The following MAF variants were observed in gnomAD, a reference collection of about 807,000 sequenced individuals.
The protein encoded by MAF is MAF bZIP transcription factor.
Under a neutral mutation model 22.0 loss-of-function variants are expected in MAF, and 10 were observed. The ratio of observed to expected loss-of-function variants is 0.45; its 90% CI spans 0.28 to 0.77. The LOEUF (loss-of-function observed/expected upper bound fraction) is 0.77. Ranked by LOEUF, MAF falls within the 30% of genes least tolerant of loss-of-function variation. The pLI is 0.12. For synonymous variants in MAF, 337 were observed against 255.8 expected (o/e 1.32, Z -3.03); for missense variants, 544 against 548.4 (o/e 0.99, Z 0.08).
chr16:79,479,495 T>G, the MAF span, among the ~76,000 whole-genome samples: 1 of 152,200 alleles, frequency 6.6e-6, no homozygotes, highest in Non-Finnish European at 1.5e-5. Flanking sequence ...TGAATGGAAT[T>G]TGTCAGGGCG....
chr16:79,371,826 C>G, the MAF span, among the ~76,000 whole-genome samples: 1 of 152,252 alleles, frequency 6.6e-6, no homozygotes, highest in African/African-American at 2.4e-5. Context: ...AAAGAATCAG[C>G]ATGCAGCTCT....
At chr16:79,489,117 A>G in the MAF span, among the ~76,000 whole-genome samples, 2 of 152,004 alleles carry the variant, frequency 1.3e-5, no homozygotes, top group Non-Finnish European at 2.9e-5. Flanking sequence ...CTATCCATCC[A>G]CTTACCCATC....
At chr16:79,253,120 G>A in the MAF span, among the ~76,000 whole-genome samples, 1 of 152,202 alleles carries the variant, frequency 6.6e-6, no homozygotes, top group African/African-American at 2.4e-5. Context: ...GGAAACCAGT[G>A]TACTGCCCTT....
the MAF span, among the ~76,000 whole-genome samples, chr16:79,474,079 G>C: frequency 6.6e-6 from 1 of 152,116 alleles, no homozygotes; most frequent in Non-Finnish European, 1.5e-5. Flanking sequence ...TAATCTCCTA[G>C]AAGGAAAGAG....
chr16:79,531,122 C>G, the MAF span, among the ~76,000 whole-genome samples: 1 of 152,212 alleles, frequency 6.6e-6, no homozygotes, highest in Admixed American at 6.5e-5. Context: ...AGATGAAAAT[C>G]AGGGACTAAC....
the MAF span, among the ~76,000 whole-genome samples, chr16:79,520,705 C>G: frequency 3.3e-5 from 5 of 152,296 alleles, no homozygotes; most frequent in South Asian, 2.1e-4. Flanking sequence ...TGTCCCAACC[C>G]TGTGCTTGGG....
the MAF span, among the ~76,000 whole-genome samples, chr16:79,474,165 G>A: frequency 6.6e-6 from 1 of 152,140 alleles, no homozygotes; most frequent in Non-Finnish European, 1.5e-5. Context: ...AGAATTATTT[G>A]TGGTCTTTAA....
the MAF span, among the ~76,000 whole-genome samples, chr16:79,413,693 T>C: frequency 6.6e-6 from 1 of 152,180 alleles, no homozygotes; most frequent in South Asian, 2.1e-4. Flanking sequence ...ATAATCTCCA[T>C]TGTGGGATCA....
the MAF span, among the ~76,000 whole-genome samples, chr16:79,457,118 C>G: frequency 6.6e-6 from 1 of 152,274 alleles, no homozygotes; most frequent in African/African-American, 2.4e-5. Flanking sequence ...ATTTGTCTTC[C>G]TCATTGGGAT....
At chr16:79,568,691 A>C in the MAF span, among the ~76,000 whole-genome samples, 5 of 152,178 alleles carry the variant, frequency 3.3e-5, no homozygotes, top group Non-Finnish European at 4.4e-5. Context: ...AGTCCTTGCC[A>C]CCTGAAAACT....
At chr16:79,416,171 G>A in the MAF span, among the ~76,000 whole-genome samples, 5 of 152,150 alleles carry the variant, frequency 3.3e-5, no homozygotes, top group Admixed American at 2.6e-4. Context: ...ATTGCTCACT[G>A]CTAATAGTTA....
chr16:79,547,922 G>GAGAT, the MAF span, among the ~76,000 whole-genome samples: 389 of 110,164 alleles, frequency 3.5e-3, 1 homozygote, highest in African/African-American at 0.011. Flanking sequence ...GAGAGAGATA[G>GAGAT]AGAGAGAGAG....
the MAF span, among the ~76,000 whole-genome samples, chr16:79,416,799 G>C: frequency 6.6e-6 from 1 of 152,166 alleles, no homozygotes; most frequent in Non-Finnish European, 1.5e-5. Context: ...TAGAAAGTTG[G>C]GGAAGCCGCT....
the MAF span, among the ~76,000 whole-genome samples, chr16:79,497,791 T>C: frequency 1.3e-5 from 2 of 152,228 alleles, no homozygotes; most frequent in Admixed American, 6.5e-5. Context: ...AGAGGAAGCC[T>C]CTGAATTTTT....
the MAF span, among the ~76,000 whole-genome samples, chr16:79,359,763 A>T: frequency 6.6e-6 from 1 of 152,158 alleles, no homozygotes; most frequent in Non-Finnish European, 1.5e-5. Context: ...GGACCACACC[A>T]ACAACTCATC....
At chr16:79,397,064 GA>G in the MAF span, among the ~76,000 whole-genome samples, 1 of 152,176 alleles carries the variant, frequency 6.6e-6, no homozygotes, top group Non-Finnish European at 1.5e-5. Context: ...CTAAAATGCC[GA>G]CCTCATCCAG....
At chr16:79,556,316 A>T in the MAF span, among the ~76,000 whole-genome samples, 1 of 152,200 alleles carries the variant, frequency 6.6e-6, no homozygotes, top group Non-Finnish European at 1.5e-5. Context: ...TACCCAGTAG[A>T]TTCCTACCCA....
the MAF span, among the ~76,000 whole-genome samples, chr16:79,580,093 G>A: frequency 0.028 from 4,258 of 151,948 alleles, 202 homozygotes; most frequent in African/African-American, 0.097. Flanking sequence ...ATTTCACCAC[G>A]CCTCTGTCAA....
the MAF span, among the ~76,000 whole-genome samples, chr16:79,236,355 G>A: frequency 6.6e-6 from 1 of 151,840 alleles, no homozygotes; most frequent in South Asian, 2.1e-4. Context: ...GGCTCATTGA[G>A]GGGAGCTCCT....
Sources: allele counts gnomAD v4.1 joint callset (sites outside exome capture counted in the v4.1 genomes callset), GRCh38; gene constraint gnomAD v4.1.1; transcripts MANE v1.5; gene names NCBI Gene and HGNC (gene_info 2026-07-23, HGNC 2026-07-21).